ATG10: variants seen among roughly 807,000 people sequenced by gnomAD.
ATG10 encodes the protein ubiquitin-like-conjugating enzyme ATG10.
Under a neutral mutation model 32.1 loss-of-function variants are expected in ATG10, and 30 were observed. That is an observed-to-expected ratio of 0.94 (90% CI 0.70 to 1.27). The LOEUF (loss-of-function observed/expected upper bound fraction) is 1.27. ATG10 is among the 50% of genes most tolerant of loss of function. The pLI, the probability that ATG10 is intolerant of heterozygous loss-of-function variation, is 0.00. For synonymous variants in ATG10, 87 were observed against 91.5 expected, an observed-to-expected ratio of 0.95 and a Z score of 0.28; for missense variants, 233 against 262.3, an observed-to-expected ratio of 0.89 and a Z score of 0.77.
intron 3 of ATG10, among the ~76,000 whole-genome samples, chr5:82,065,260 G>A (rs190999383): frequency 9.9e-5 from 15 of 152,214 alleles, no homozygotes; most frequent in Non-Finnish European, 1.6e-4. Context: ...CCGAGTCGGG[G>A]CGGATCACTT....
intron 5 of ATG10, among the ~76,000 whole-genome samples, chr5:82,192,470 G>C (rs1744701193): frequency 6.6e-6 from 1 of 152,112 alleles, no homozygotes; most frequent in Admixed American, 6.5e-5. Context: ...AACAGGTTAG[G>C]GGTTGGGCTC....
At chr5:82,240,753 A>C (rs927984209) in intron 5 of ATG10, among the ~76,000 whole-genome samples, 2 of 152,328 alleles carry the variant, frequency 1.3e-5, no homozygotes, top group East Asian at 3.9e-4. Context: ...GTTTGTATCA[A>C]AATATCACAG....
At chr5:82,158,838 G>C (rs1289873306) in intron 3 of ATG10, among the ~76,000 whole-genome samples, 1 of 152,168 alleles carries the variant, frequency 6.6e-6, no homozygotes, top group East Asian at 1.9e-4. Context: ...ACAAAGAGCA[G>C]TGGTTTCAGT....
chr5:81,999,676 CAG>C (rs1307872647), intron 2 of ATG10, among the ~76,000 whole-genome samples: 2 of 151,890 alleles, frequency 1.3e-5, no homozygotes, highest in Admixed American at 6.6e-5. Flanking sequence ...TCCAAATAAA[CAG>C]AGTCAGAAAT....
At chr5:82,105,022 C>G (rs1007656419) in intron 3 of ATG10, among the ~76,000 whole-genome samples, 1 of 152,088 alleles carries the variant, frequency 6.6e-6, no homozygotes, top group Admixed American at 6.6e-5. Flanking sequence ...TGGCGAACAC[C>G]TAACAATGTC....
At chr5:82,072,402 C>T (rs1764157210) in intron 3 of ATG10, among the ~76,000 whole-genome samples, 1 of 152,114 alleles carries the variant, frequency 6.6e-6, no homozygotes, top group Admixed American at 6.6e-5. Flanking sequence ...AGGGTTATAT[C>T]TCTCCTAATC....
intron 3 of ATG10, among the ~76,000 whole-genome samples, chr5:82,060,106 T>C (rs1406021919): frequency 6.6e-6 from 1 of 152,198 alleles, no homozygotes; most frequent in Non-Finnish European, 1.5e-5. Flanking sequence ...TCACAAAGTT[T>C]AAAGATGTGC....
At position 82,253,404 on chromosome 5, in the gene ATG10, G is replaced by A. The variant is rs1445686960; in HGVS notation, c.642G>A (p.Gln214=). The A allele has an allele frequency of 3.7e-6, 6 of 1,601,628 alleles. No individual in the cohort carries two copies. Among genetic ancestry groups the A allele is most frequent in the Non-Finnish European group, 5.1e-6 (6 of 1,168,598 alleles). ...TGAGTTATGCCAAAGCAACGTCTCA[G>A]GATGAACGAAATGTCCCTTAACAAG... is the stretch of plus-strand genomic sequence containing the variant. ...LPLSYAKATS[Q]DERNVP The change falls in exon 7 of 8, where the codon CAG becomes CAA. Residue 214 remains glutamine, a synonymous_variant. Transcript: ENST00000282185.
intron 3 of ATG10, among the ~76,000 whole-genome samples, chr5:82,097,021 A>G (rs1028461475): frequency 1.3e-5 from 2 of 152,154 alleles, no homozygotes; most frequent in African/African-American, 4.8e-5. Context: ...TTGTGAAGCA[A>G]TAATATATCT....
intron 3 of ATG10, among the ~76,000 whole-genome samples, chr5:82,128,593 T>C (rs1318416274): frequency 1.3e-5 from 2 of 151,488 alleles, no homozygotes; most frequent in Non-Finnish European, 2.9e-5. Flanking sequence ...AATTCTTTTC[T>C]TTAAGAATGT....
intron 3 of ATG10, among the ~76,000 whole-genome samples, chr5:82,135,216 C>T (rs1224401226): frequency 6.6e-6 from 1 of 152,096 alleles, no homozygotes; most frequent in South Asian, 2.1e-4. Context: ...TTTCATGTCT[C>T]TGTCTTCTTC....
At chr5:82,067,373 G>A (rs192587597) in intron 3 of ATG10, among the ~76,000 whole-genome samples, 1 of 152,030 alleles carries the variant, frequency 6.6e-6, no homozygotes, top group Non-Finnish European at 1.5e-5. Flanking sequence ...TATAACAAAA[G>A]TGTTTGTTTA....
chr5:82,183,404 T>C (rs59299528), intron 5 of ATG10, among the ~76,000 whole-genome samples: 1 of 147,644 alleles, frequency 6.8e-6, no homozygotes, highest in Non-Finnish European at 1.5e-5. Flanking sequence ...ATTTTTTTTT[T>C]CTAATTGTAT....
At chr5:82,111,569 G>A (rs1765623180) in intron 3 of ATG10, 2 of 151,766 alleles carry the variant, frequency 1.3e-5, no homozygotes, top group Admixed American at 6.6e-5. Context: ...TTCTTTTTTG[G>A]TGTCTCCATT....
At chr5:82,079,808 T>A (rs918388248) in intron 3 of ATG10, among the ~76,000 whole-genome samples, 4 of 152,210 alleles carry the variant, frequency 2.6e-5, no homozygotes, top group African/African-American at 9.6e-5. Flanking sequence ...CTATTGTGAA[T>A]AGTGCCGTAA....
chr5:82,007,773 T>C (rs1474482769), intron 2 of ATG10, among the ~76,000 whole-genome samples: 2 of 152,152 alleles, frequency 1.3e-5, no homozygotes, highest in Non-Finnish European at 2.9e-5. Context: ...TATTTTTAAA[T>C]ACAATTACTT....
intron 5 of ATG10, among the ~76,000 whole-genome samples, chr5:82,251,146 C>G (rs1207598627): frequency 1.3e-5 from 2 of 152,194 alleles, no homozygotes; most frequent in Admixed American, 6.5e-5. Context: ...ACCACCACCC[C>G]AAATCTCCAT....
chr5:81,993,369 T>TTTCTTTC (rs1554039351), intron 2 of ATG10, among the ~76,000 whole-genome samples: 4 of 38,026 alleles, frequency 1.1e-4, no homozygotes, highest in African/African-American at 5.0e-4. Context: ...CCTTCTTTTC[T>TTTCTTTC]TTTCTTTTCT....
At chr5:82,204,119 A>T (rs1409259615) in intron 5 of ATG10, among the ~76,000 whole-genome samples, 1 of 152,228 alleles carries the variant, frequency 6.6e-6, no homozygotes, top group African/African-American at 2.4e-5. Context: ...TAAAAGTGAC[A>T]ATTTTAAACT....
Sources: gnomAD v4.1 joint callset for allele counts (sites outside exome capture counted in the v4.1 genomes callset) on GRCh38, gnomAD v4.1.1 for gene constraint, MANE v1.5 for transcripts, NCBI Gene and HGNC (gene_info 2026-07-23, HGNC 2026-07-21) for gene names.